The following SGCZ variants were observed in gnomAD, a reference collection of about 807,000 sequenced individuals.
SGCZ encodes zeta-sarcoglycan.
A neutral mutation model predicts 41.3 loss-of-function variants in SGCZ; 40 were observed. That is an observed-to-expected ratio of 0.97 (90% CI 0.75 to 1.26). The LOEUF is 1.26. SGCZ is among the 50% of genes most tolerant of loss of function. The pLI, the probability that SGCZ is intolerant of heterozygous loss-of-function variation, is 0.00. For missense variants in SGCZ, 552 were observed against 369.8 expected (o/e 1.49, Z -4.04); for synonymous variants, 206 against 137.5 (o/e 1.50, Z -3.49).
intron 3 of SGCZ, among the ~76,000 whole-genome samples, chr8:14,317,558 G>A (rs1025765352): frequency 1.8e-4 from 27 of 151,638 alleles, no homozygotes; most frequent in African/African-American, 5.8e-4. Context: ...ATGACAAAAC[G>A]GAATTGAAAA....
intron 1 of SGCZ, among the ~76,000 whole-genome samples, chr8:14,733,849 C>G (rs1798945397): frequency 6.6e-6 from 1 of 152,140 alleles, no homozygotes; most frequent in South Asian, 2.1e-4. Context: ...AATTTTAAGG[C>G]TTTGAAACCA....
At chr8:14,770,424 T>A (rs1319228239) in intron 1 of SGCZ, among the ~76,000 whole-genome samples, 1 of 151,734 alleles carries the variant, frequency 6.6e-6, no homozygotes, top group Non-Finnish European at 1.5e-5. Context: ...GAGGTCAGTA[T>A]ATTATTTGGG....
At chr8:14,759,839 C>G (rs1245477399) in intron 1 of SGCZ, among the ~76,000 whole-genome samples, 2 of 152,120 alleles carry the variant, frequency 1.3e-5, no homozygotes, top group Non-Finnish European at 2.9e-5. Flanking sequence ...ATCAGGGCTA[C>G]TTTAAAAGGA....
At chr8:14,985,796 C>A (rs1233463505) in intron 1 of SGCZ, among the ~76,000 whole-genome samples, 2 of 152,168 alleles carry the variant, frequency 1.3e-5, no homozygotes, top group Non-Finnish European at 1.5e-5. Flanking sequence ...TCTAGACTTA[C>A]TCATTGAATA....
chr8:14,963,199 G>A (rs1208381413), intron 1 of SGCZ, among the ~76,000 whole-genome samples: 2 of 152,098 alleles, frequency 1.3e-5, no homozygotes, highest in Admixed American at 6.6e-5. Flanking sequence ...CACCATATAT[G>A]GCATACACCA....
At chr8:14,899,540 C>A (rs1798889920) in intron 1 of SGCZ, among the ~76,000 whole-genome samples, 1 of 152,176 alleles carries the variant, frequency 6.6e-6, no homozygotes, top group African/African-American at 2.4e-5. Flanking sequence ...GTTTGCCAGG[C>A]AGGCTGGAAA....
At chr8:14,429,901 C>G (rs1239264572) in intron 2 of SGCZ, among the ~76,000 whole-genome samples, 2 of 151,914 alleles carry the variant, frequency 1.3e-5, no homozygotes, top group Admixed American at 6.6e-5. Context: ...TTGCATCTTT[C>G]CAGGAATGTA....
chr8:14,548,698 A>G (rs1332162516), intron 2 of SGCZ, among the ~76,000 whole-genome samples: 1 of 152,074 alleles, frequency 6.6e-6, no homozygotes, highest in Non-Finnish European at 1.5e-5. Context: ...AAATTAGATT[A>G]TAATTAGTGG....
intron 1 of SGCZ, among the ~76,000 whole-genome samples, chr8:14,921,674 C>T (rs1178283064): frequency 1.3e-5 from 2 of 152,120 alleles, no homozygotes; most frequent in African/African-American, 2.4e-5. Context: ...GCACAAGTCC[C>T]TGACATCATT....
intron 1 of SGCZ, among the ~76,000 whole-genome samples, chr8:15,021,158 C>G (rs17655111): frequency 0.053 from 8,052 of 152,214 alleles, 268 homozygotes; most frequent in East Asian, 0.12. Context: ...TGGTATTAAG[C>G]TAAAATGCTG....
chr8:14,338,722 G>A (rs529219378), intron 2 of SGCZ, among the ~76,000 whole-genome samples: 1 of 152,108 alleles, frequency 6.6e-6, no homozygotes, highest in Admixed American at 6.5e-5. Flanking sequence ...ACTTTCTTAT[G>A]AAATAGAGTG....
At chr8:14,103,808 T>C (rs1802115310) in intron 6 of SGCZ, among the ~76,000 whole-genome samples, 1 of 152,166 alleles carries the variant, frequency 6.6e-6, no homozygotes, top group African/African-American at 2.4e-5. Flanking sequence ...ATATTTTCCA[T>C]AGAATATTTG....
At position 14,435,116 on chromosome 8, in the gene SGCZ, C is replaced by T. The variant is rs114423115; in HGVS notation, c.235-110912G>A. Among the ~76,000 whole-genome samples the T allele has an allele frequency of 8.0e-3, 1,218 of 152,170 alleles. 20 individuals are homozygous for T. The highest frequency in any genetic ancestry group is 0.026 in the African/African-American group (1,059 of 41,506). ...AGCAATGCAAAAATATTAATAAAAG[C>T]GTGATATTTTGTGACAAAGTTATCT... On this transcript the variant is annotated intron_variant, in intron 2 of 7. Transcript: ENST00000382080.
intron 1 of SGCZ, among the ~76,000 whole-genome samples, chr8:14,975,824 T>C (rs980938871): frequency 1.4e-5 from 2 of 143,094 alleles, no homozygotes; most frequent in African/African-American, 5.0e-5. Flanking sequence ...TGTGTGTGTG[T>C]AGAAATAGTT....
intron 1 of SGCZ, among the ~76,000 whole-genome samples, chr8:14,945,632 T>C (rs535290634): frequency 6.6e-6 from 1 of 152,100 alleles, no homozygotes; most frequent in African/African-American, 2.4e-5. Flanking sequence ...GAGATTGGCA[T>C]GTGAGTTGCC....
In SGCZ at chr8:14,102,445, C is replaced by T. The variant is rs772554821; in HGVS notation, c.675G>A (p.Val225=). 1 of 1,524,604 alleles carries T rather than the reference C, an allele frequency of 6.6e-7. No individual in the cohort carries two copies. Among genetic ancestry groups the T allele is most frequent in the Non-Finnish European group, 8.9e-7 (1 of 1,123,252 alleles). The allele number at this position is 1,524,604 out of a possible 1,614,324, so 94.4% of individuals were successfully genotyped here. The change falls in exon 7 of 8, where the codon GTG becomes GTA. Residue 225 remains valine (V), a synonymous_variant. Coordinates refer to ENST00000382080, the MANE Select transcript of SGCZ (RefSeq NM_139167.4). ...CCTTGAAGTCTCCTGCAGCAGCACTCACCTGGACCCCACGGGGAGCTTCCA... is the reference window on the plus strand; with the variant it reads ...CCTTGAAGTCTCCTGCAGCAGCACTTACCTGGACCCCACGGGGAGCTTCCA... ...LIMEAPRGVQ[V]SAAAGDFKAT...
chr8:14,725,811 G>C (rs973582269), intron 1 of SGCZ, among the ~76,000 whole-genome samples: 2 of 152,056 alleles, frequency 1.3e-5, no homozygotes, highest in African/African-American at 4.8e-5. Flanking sequence ...ATATACAAAA[G>C]ATTTAGACTT....
At chr8:14,350,431 T>C (rs1803046844) in intron 2 of SGCZ, among the ~76,000 whole-genome samples, 1 of 152,116 alleles carries the variant, frequency 6.6e-6, no homozygotes. Flanking sequence ...TCCTAATCAT[T>C]CTGTTGCTAC....
At chr8:14,707,155 C>A (rs538056716) in intron 1 of SGCZ, among the ~76,000 whole-genome samples, 12 of 151,150 alleles carry the variant, frequency 7.9e-5, no homozygotes, top group African/African-American at 2.4e-4. Context: ...ATGGCATTAC[C>A]TATATCTCCA....
Sources: allele counts gnomAD v4.1 joint callset (sites outside exome capture counted in the v4.1 genomes callset), GRCh38; gene constraint gnomAD v4.1.1; transcripts MANE v1.5; gene names NCBI Gene and HGNC (gene_info 2026-07-23, HGNC 2026-07-21).